Variants in JADE3 observed in about 807,000 individuals in gnomAD.
JADE3 encodes jade family PHD finger 3.
In JADE3, 2 loss-of-function variants were observed where a neutral mutation model predicts 50.1. The ratio of observed to expected loss-of-function variants is 0.04; its 90% CI spans 0.02 to 0.13. The LOEUF is 0.13. Among genes scored for constraint, JADE3 ranks in the 10% least tolerant of loss-of-function variants. The probability of loss-of-function intolerance (pLI) is 1.00; values close to 1 mark genes in which losing one functional copy is unlikely to be tolerated. For missense variants in JADE3, 475 were observed against 634.4 expected, an observed-to-expected ratio of 0.75 and a Z score of 2.70; for synonymous variants, 218 against 232.9, an observed-to-expected ratio of 0.94 and a Z score of 0.58.
intron 7 of JADE3, among the ~76,000 whole-genome samples, chrX:47,038,156 A>T (rs782196515): frequency 8.9e-6 from 1 of 112,074 alleles, no homozygotes. Flanking sequence ...ATAGTACTCC[A>T]TTGTATATAT....
chrX:46,913,210 C>T lies in JADE3; in HGVS notation c.-12+491C>T, dbSNP rs782794325. On this transcript the variant is annotated intron_variant, in intron 1 of 10. Transcript: ENST00000614628. The stretch of plus-strand genomic sequence containing the variant: ...TCGGATGCTCCAGGGAGCGAGGGCG[C>T]GCCCTGGCTGTTTAGCTGTTGGGGG... 5.4e-5 allele frequency among the ~76,000 whole-genome samples: 6 copies of T among 111,340 alleles called. No individual in the cohort carries two copies. In the South Asian group the frequency reaches 1.5e-3, roughly 28 times the overall value.
At chrX:47,046,793 G>A (rs1929388659) in intron 8 of JADE3, among the ~76,000 whole-genome samples, 1 of 112,247 alleles carries the variant, frequency 8.9e-6, no homozygotes, top group Admixed American at 9.5e-5. Context: ...CTGAAGATAC[G>A]ATTTTTCACA....
intron 7 of JADE3, among the ~76,000 whole-genome samples, chrX:47,037,944 C>G (rs189623829): frequency 1.8e-5 from 2 of 111,275 alleles, no homozygotes; most frequent in African/African-American, 6.5e-5. Flanking sequence ...CTGTTCCCCC[C>G]ACTACCCTTC....
chrX:46,930,226 G>C (rs1251487074), intron 1 of JADE3, among the ~76,000 whole-genome samples: 1 of 111,751 alleles, frequency 8.9e-6, no homozygotes, highest in African/African-American at 3.3e-5. Context: ...GGAAGCCCCA[G>C]CTAACCTGCT....
At chrX:46,948,945 C>CT (rs1392009294) in intron 1 of JADE3, among the ~76,000 whole-genome samples, 16 of 107,057 alleles carry the variant, frequency 1.5e-4, no homozygotes, top group African/African-American at 3.4e-4. Flanking sequence ...AAAAACTCTA[C>CT]TTTTTTTTTT....
intron 1 of JADE3, among the ~76,000 whole-genome samples, chrX:46,969,562 C>T (rs1366249781): frequency 9.2e-6 from 1 of 108,922 alleles, no homozygotes; most frequent in Non-Finnish European, 1.9e-5. Context: ...CGTGGCAGGG[C>T]GCAGTGGCTC....
chrX:46,943,792 GTTC>G (rs1556342731), intron 1 of JADE3, among the ~76,000 whole-genome samples: 5 of 111,908 alleles, frequency 4.5e-5, no homozygotes, highest in African/African-American at 1.6e-4. Context: ...ATTGGTACTA[GTTC>G]TTCTTTGTAT....
At chrX:46,944,555 G>A (rs1926840194) in intron 1 of JADE3, among the ~76,000 whole-genome samples, 1 of 110,420 alleles carries the variant, frequency 9.1e-6, no homozygotes, top group African/African-American at 3.3e-5. Context: ...TGATCCACCC[G>A]CCTTGGCCTC....
chrX:46,951,582 T>C (rs1400239563), intron 1 of JADE3, among the ~76,000 whole-genome samples: 15 of 5,500 alleles, frequency 2.7e-3, no homozygotes, highest in South Asian at 0.059. Context: ...TGAGACTCCG[T>C]CTCAAAAAAA....
intron 1 of JADE3, among the ~76,000 whole-genome samples, chrX:46,919,922 C>T (rs1926185940): frequency 1.8e-5 from 2 of 110,653 alleles, no homozygotes; most frequent in African/African-American, 6.6e-5. Context: ...ATTTATTCAA[C>T]AAATATTTGC....
At chrX:47,011,522 A>G (rs968033792) in intron 4 of JADE3, among the ~76,000 whole-genome samples, 5 of 111,536 alleles carry the variant, frequency 4.5e-5, no homozygotes, top group East Asian at 2.8e-4. Context: ...GAGTGCACAT[A>G]TGTTTTCATT....
intron 9 of JADE3, among the ~76,000 whole-genome samples, chrX:47,055,719 T>C (rs1929620367): frequency 8.9e-6 from 1 of 112,105 alleles, no homozygotes; most frequent in Admixed American, 9.5e-5. Context: ...AAAATTGTAC[T>C]GGATACAGCC....
At chrX:46,919,334 G>A (rs1166007270) in intron 1 of JADE3, among the ~76,000 whole-genome samples, 7 of 112,051 alleles carry the variant, frequency 6.2e-5, no homozygotes, top group South Asian at 3.7e-4. Context: ...CCAAAAGACC[G>A]TTATTTGGGA....
In JADE3 at chrX:46,930,370, A is replaced by C. The variant is rs187083059; in HGVS notation, c.-12+17651A>C. 3.1e-3 allele frequency among the ~76,000 whole-genome samples: 350 copies of C among 112,370 alleles called. 1 individual carries two copies. Among genetic ancestry groups the C allele is most frequent in the South Asian group, 5.9e-3 (16 of 2,708 alleles). ...GATGACTGTAACCATATGAAGGACC[A>C]CAGAAAAGACCAGCAGAACAACCAC... On this transcript the variant is annotated intron_variant, in intron 1 of 10. Transcript: ENST00000614628.
chrX:47,024,784 C>T lies in JADE3; in HGVS notation c.345C>T (p.Cys115=), dbSNP rs782032031. Residue 115 remains cysteine (C), a synonymous_variant, in exon 5 of 11, where the codon TGC becomes TGT. Coordinates refer to ENST00000614628, the MANE Select transcript of JADE3 (RefSeq NM_014735.5). The stretch of plus-strand genomic sequence containing the variant: ...TCCGACCCCGGAAGTATATTCACTG[C>T]TCCAGCCCAGACACCACAGAGCCTG... ...LFIRPRKYIH[C]SSPDTTEPGY... is the part of the protein sequence containing the mutation. 1.8e-4 allele frequency: 218 copies of T among 1,197,228 alleles called. No individual in the cohort carries two copies. The highest frequency in any genetic ancestry group is 2.4e-4 in the Non-Finnish European group (215 of 884,172).
intron 6 of JADE3, 62 bp downstream of exon 6, chrX:47,028,165 C>T: frequency 2.6e-6 from 2 of 779,574 alleles, no homozygotes; most frequent in South Asian, 4.8e-5. Context: ...CAGTGATGAT[C>T]TCCAGCACGC....
At chrX:47,043,604 G>A (rs1267047718) in intron 8 of JADE3, among the ~76,000 whole-genome samples, 2 of 111,321 alleles carry the variant, frequency 1.8e-5, no homozygotes, top group African/African-American at 6.5e-5. Context: ...TGGATCGCAA[G>A]GTCAGGAGAT....
rs1358525243 is a variant in JADE3 at position 46,912,693 on chromosome X, C to T, written c.-38C>T. 9.0e-6 allele frequency: 1 copy of T among 111,715 alleles called. No individual in the cohort carries two copies. The highest frequency in any genetic ancestry group is 3.2e-5 in the African/African-American group (1 of 31,076). 9.2% of individuals were successfully genotyped at this position (111,715 alleles called of 1,213,427 possible). A position where few individuals can be genotyped will look rare whatever the true frequency, so the allele number is the denominator to read the frequency against. ...TGCCGGGCCGCGGCGTGGAGCCGGG[C>T]AGGAGCCGCGAGCCAGCTGCGCGAA... is the stretch of plus-strand genomic sequence containing the variant. On this transcript the variant is annotated 5_prime_UTR_variant, in exon 1 of 11. Coordinates refer to ENST00000614628, the MANE Select transcript of JADE3 (RefSeq NM_014735.5).
Position 46,972,313 on chromosome X carries a change from A to T in JADE3, c.-11-12571A>T, listed in dbSNP as rs7064382. 9.1e-3 allele frequency among the ~76,000 whole-genome samples: 1,008 copies of T among 110,230 alleles called. 8 individuals carry two copies. The highest frequency in any genetic ancestry group is 0.026 in the East Asian group (89 of 3,471). ...TGGGTTCAAGCAATTCTCATGCCTC[A>T]GCTTCCTGAATAGCTGGGATTATAG... On this transcript the variant is annotated intron_variant, in intron 1 of 10. Transcript: ENST00000614628.
Sources: gnomAD v4.1 joint callset for allele counts (sites outside exome capture counted in the v4.1 genomes callset) on GRCh38, gnomAD v4.1.1 for gene constraint, MANE v1.5 for transcripts, NCBI Gene and HGNC (gene_info 2026-07-23, HGNC 2026-07-21) for gene names.